The following CALN1 variants were observed in gnomAD, a reference collection of about 807,000 sequenced individuals.
CALN1 encodes calcium-binding protein 8.
A neutral mutation model predicts 30.6 loss-of-function variants in CALN1; 17 were observed. The observed-to-expected ratio is 0.56, with a 90% confidence interval of 0.38 to 0.83. The LOEUF (loss-of-function observed/expected upper bound fraction) is 0.83. Among genes scored for constraint, CALN1 ranks in the 40% least tolerant of loss-of-function variants. The pLI is 0.00. For missense variants in CALN1, 291 were observed against 354.9 expected, an observed-to-expected ratio of 0.82 and a Z score of 1.45; for synonymous variants, 156 against 131.4, an observed-to-expected ratio of 1.19 and a Z score of -1.28.
At chr7:71,790,320 AAG>A (rs2115873825) in intron 6 of CALN1, among the ~76,000 whole-genome samples, 2 of 148,180 alleles carry the variant, frequency 1.3e-5, no homozygotes, top group Non-Finnish European at 3.0e-5. Context: ...AGAAGAAAGA[AAG>A]AAAGAAGGAA....
rs57547714 is a variant in CALN1, at chr7:71,790,202, CAAAG to C, written c.659-2304_659-2301del. ...AATCAAAGAAAGAGAAAGAGAGAAA[CAAAG>C]AAAGAAAGAAAGGCAGGCGAAAGAA... On this transcript the variant is annotated intron_variant, in intron 6 of 6. Coordinates refer to ENST00000395275, the MANE Select transcript of CALN1 (RefSeq NM_031468.4). 2.3e-4 allele frequency among the ~76,000 whole-genome samples: 30 copies of C among 131,638 alleles called. No homozygotes were observed. In the South Asian group the frequency reaches 3.4e-3, roughly 15 times the overall value. The allele number at this position is 131,638 out of a possible 152,430, so 86.4% of individuals were successfully genotyped here. A position where few individuals can be genotyped will look rare whatever the true frequency, so the allele number is the denominator to read the frequency against.
intron 2 of CALN1, among the ~76,000 whole-genome samples, chr7:72,396,644 G>A (rs1249727604): frequency 6.6e-6 from 1 of 152,136 alleles, no homozygotes; most frequent in African/African-American, 2.4e-5. Flanking sequence ...GCAGAGAGGG[G>A]CAAAGACAGA....
At chr7:72,099,450 A>AT (rs1236835544) in intron 4 of CALN1, among the ~76,000 whole-genome samples, 1 of 151,842 alleles carries the variant, frequency 6.6e-6, no homozygotes, top group Non-Finnish European at 1.5e-5. Context: ...GAAGGATATA[A>AT]TTAGAATCTT....
chr7:71,846,950 C>T (rs13241494), intron 5 of CALN1, among the ~76,000 whole-genome samples: 1 of 141,436 alleles, frequency 7.1e-6, no homozygotes, highest in African/African-American at 2.6e-5. Context: ...TGTATATATA[C>T]ATATATAATA....
intron 2 of CALN1, among the ~76,000 whole-genome samples, chr7:72,282,992 T>C (rs1046479230): frequency 6.6e-6 from 1 of 150,560 alleles, no homozygotes; most frequent in African/African-American, 2.5e-5. Flanking sequence ...GGAGTGGACG[T>C]TGCAATGAGC....
intron 5 of CALN1, among the ~76,000 whole-genome samples, chr7:71,882,540 C>T (rs867057129): frequency 1.3e-5 from 2 of 152,266 alleles, no homozygotes; most frequent in African/African-American, 4.8e-5. Flanking sequence ...AGCACTGTGG[C>T]TTTAGCCACA....
chr7:71,964,270 G>A (rs1468731237), intron 5 of CALN1, among the ~76,000 whole-genome samples: 6 of 152,124 alleles, frequency 3.9e-5, no homozygotes, highest in African/African-American at 1.4e-4. Flanking sequence ...GGCAGGTGTA[G>A]GGGTCGTGGG....
intron 5 of CALN1, among the ~76,000 whole-genome samples, chr7:71,868,765 T>A (rs1791747599): frequency 6.6e-6 from 1 of 151,774 alleles, no homozygotes; most frequent in South Asian, 2.1e-4. Context: ...ACATTGGGGA[T>A]GATAATTCAA....
At chr7:72,499,084 G>A in the CALN1 span, among the ~76,000 whole-genome samples, 1 of 152,118 alleles carries the variant, frequency 6.6e-6, no homozygotes, top group Non-Finnish European at 1.5e-5. Flanking sequence ...AGGCTGGAGT[G>A]CAGTGGTGCA....
intron 2 of CALN1, among the ~76,000 whole-genome samples, chr7:72,324,206 C>T (rs1268892922): frequency 6.6e-6 from 1 of 152,040 alleles, no homozygotes; most frequent in Non-Finnish European, 1.5e-5. Flanking sequence ...AATTTTTAAG[C>T]CTCCCCAGAG....
At chr7:72,271,080 T>C (rs1028853277) in intron 3 of CALN1, among the ~76,000 whole-genome samples, 13 of 152,328 alleles carry the variant, frequency 8.5e-5, no homozygotes, top group African/African-American at 2.9e-4. Flanking sequence ...CTGCTGTGGC[T>C]GACTGGCAAT....
chr7:71,976,227 C>G (rs1255267284), intron 5 of CALN1, among the ~76,000 whole-genome samples: 2 of 151,956 alleles, frequency 1.3e-5, no homozygotes, highest in Admixed American at 1.3e-4. Flanking sequence ...GGCTGGCCAT[C>G]TGGTCATGGC....
At chr7:72,134,057 C>T (rs1809342991) in intron 3 of CALN1, among the ~76,000 whole-genome samples, 2 of 152,128 alleles carry the variant, frequency 1.3e-5, no homozygotes, top group South Asian at 4.1e-4. Flanking sequence ...AGGGCTCTGC[C>T]CTCTTGAATG....
chr7:72,140,340 AAGGGAGGGAGGG>A (rs200997090), intron 3 of CALN1, among the ~76,000 whole-genome samples: 2,212 of 65,384 alleles, frequency 0.034, 57 homozygotes, highest in Middle Eastern at 0.052. Context: ...AGAAGGAAGG[AAGGGAGGGAGGG>A]AGGGAGGGAG....
At chr7:72,406,417 A>C (rs1806696276) in intron 1 of CALN1, among the ~76,000 whole-genome samples, 1 of 152,046 alleles carries the variant, frequency 6.6e-6, no homozygotes. Flanking sequence ...CTTGTCCCCA[A>C]ATTAACCGGT....
intron 3 of CALN1, among the ~76,000 whole-genome samples, chr7:72,207,266 T>TA (rs1391113057): frequency 2.0e-5 from 3 of 152,094 alleles, no homozygotes; most frequent in Non-Finnish European, 4.4e-5. Flanking sequence ...AACTTATTCT[T>TA]ATCTTGAGTT....
intron 3 of CALN1, among the ~76,000 whole-genome samples, chr7:72,247,098 T>G (rs1328033113): frequency 6.6e-6 from 1 of 151,702 alleles, no homozygotes; most frequent in Admixed American, 6.6e-5. Flanking sequence ...CAGCCCAGTG[T>G]ATGCCCTGTG....
chr7:72,453,422 T>C, the CALN1 span, among the ~76,000 whole-genome samples: 7 of 152,312 alleles, frequency 4.6e-5, no homozygotes, highest in East Asian at 9.7e-4. Context: ...AACTTCCGGG[T>C]CATTGCCCTG....
At chr7:72,247,126 A>T (rs1795222345) in intron 3 of CALN1, among the ~76,000 whole-genome samples, 1 of 145,912 alleles carries the variant, frequency 6.9e-6, no homozygotes. Flanking sequence ...TCCTCTACTC[A>T]CCCTATCCCC....
Sources: allele counts gnomAD v4.1 joint callset (sites outside exome capture counted in the v4.1 genomes callset), GRCh38; gene constraint gnomAD v4.1.1; transcripts MANE v1.5; gene names NCBI Gene and HGNC (gene_info 2026-07-23, HGNC 2026-07-21).